ZBTB16: variants seen among roughly 807,000 people sequenced by gnomAD.
The protein encoded by ZBTB16 is zinc finger and BTB domain containing 16.
In ZBTB16, 8 loss-of-function variants were observed where a neutral mutation model predicts 56.8. The observed-to-expected ratio is 0.14, with a 90% CI of 0.08 to 0.25. The LOEUF (loss-of-function observed/expected upper bound fraction) is 0.25. Among genes scored for constraint, ZBTB16 ranks in the 10% least tolerant of loss-of-function variants. The pLI, the probability that ZBTB16 is intolerant of heterozygous loss-of-function variation, is 1.00. For synonymous variants in ZBTB16, 363 were observed against 368.5 expected, an observed-to-expected ratio of 0.98 and a Z score of 0.17; for missense variants, 625 against 903.0, an observed-to-expected ratio of 0.69 and a Z score of 3.95.
At chr11:114,134,999 C>T (rs542575481) in intron 2 of ZBTB16, among the ~76,000 whole-genome samples, 11 of 152,298 alleles carry the variant, frequency 7.2e-5, no homozygotes, top group Admixed American at 2.6e-4. Context: ...TCCAGAGTTG[C>T]GCCAGATCCC....
At chr11:114,233,065 ATG>A (rs1491362323) in intron 4 of ZBTB16, among the ~76,000 whole-genome samples, 9 of 57,634 alleles carry the variant, frequency 1.6e-4, no homozygotes, top group African/African-American at 2.7e-4. Context: ...GCACATACGC[ATG>A]CGCGCGCGCG....
intron 4 of ZBTB16, among the ~76,000 whole-genome samples, chr11:114,213,242 C>T (rs1944031387): frequency 6.6e-6 from 1 of 152,104 alleles, no homozygotes; most frequent in Non-Finnish European, 1.5e-5. Flanking sequence ...ACTCATTGAA[C>T]CAAGGTGGAC....
chr11:114,150,370 CATGCCT>C (rs1414272978), intron 2 of ZBTB16, among the ~76,000 whole-genome samples: 1 of 152,180 alleles, frequency 6.6e-6, no homozygotes, highest in Non-Finnish European at 1.5e-5. Flanking sequence ...CGTGGTGGCT[CATGCCT>C]GTAATTTCAG....
Position 114,156,380 on chromosome 11 carries a change from G to A in ZBTB16, c.1312G>A (p.Gly438Arg), listed in dbSNP as rs746081118. 3.1e-6 allele frequency: 5 copies of A among 1,614,084 alleles called. No homozygotes were observed. Among genetic ancestry groups the A allele is most frequent in the African/African-American group, 1.3e-5 (1 of 74,924 alleles). Residue 438 changes from glycine to arginine, a missense_variant, in exon 3 of 7, where the codon GGG (glycine) becomes AGG (arginine). Transcript: ENST00000335953. ...GMKTYGCELC[G>R]KRFLDSLRLR... ...GAAGACGTACGGGTGCGAGCTCTGC[G>A]GGAAGCGGTTCCTGGATAGTTTGCG...
chr11:114,070,140 C>T (rs1262056267), intron 2 of ZBTB16, among the ~76,000 whole-genome samples: 8 of 137,682 alleles, frequency 5.8e-5, no homozygotes, highest in South Asian at 2.3e-4. Flanking sequence ...CTCGCTCTGT[C>T]GCCCAGGTCG....
At chr11:114,157,905 C>T (rs1477720099) in intron 3 of ZBTB16, among the ~76,000 whole-genome samples, 3 of 152,146 alleles carry the variant, frequency 2.0e-5, no homozygotes, top group Non-Finnish European at 4.4e-5. Context: ...CCCCTGGCTC[C>T]ACTGAATCAT....
chr11:114,106,327 A>G (rs1198855770), intron 2 of ZBTB16, among the ~76,000 whole-genome samples: 1 of 152,150 alleles, frequency 6.6e-6, no homozygotes, highest in Non-Finnish European at 1.5e-5. Flanking sequence ...TCCTACTCCC[A>G]TTGCTGCCTT....
intron 4 of ZBTB16, among the ~76,000 whole-genome samples, chr11:114,232,635 C>T (rs577323735): frequency 1.1e-4 from 16 of 152,340 alleles, no homozygotes; most frequent in Admixed American, 7.8e-4. Context: ...GCTAGGCTTG[C>T]TCTGCAGAGC....
At position 114,210,162 on chromosome 11, in the gene ZBTB16, AGTGTGT is replaced by A. The variant is rs139074973; in HGVS notation, c.1453+23150_1453+23155del. 2.6e-3 allele frequency among the ~76,000 whole-genome samples: 354 copies of A among 134,636 alleles called. 4 individuals are homozygous for A. Among genetic ancestry groups the A allele is most frequent in the East Asian group, 0.01 (44 of 4,352 alleles). 88.3% of individuals were successfully genotyped at this position (134,636 alleles called of 152,430 possible). A position where few individuals can be genotyped will look rare whatever the true frequency, so the allele number is the denominator to read the frequency against. ...AATGTTTTCTCTTACAGCCAAAGCT[AGTGTGT>A]GTGTGTGTGTGTGTGTGTGTGTGTG... On this transcript the variant is annotated intron_variant, in intron 4 of 6. Transcript: ENST00000335953.
chr11:114,177,468 T>A (rs1200201436), intron 3 of ZBTB16, among the ~76,000 whole-genome samples: 1 of 152,160 alleles, frequency 6.6e-6, no homozygotes, highest in African/African-American at 2.4e-5. Flanking sequence ...CAGGCTGGTC[T>A]CCAACTCCAG....
At chr11:114,115,639 T>C (rs929033114) in intron 2 of ZBTB16, among the ~76,000 whole-genome samples, 2 of 152,220 alleles carry the variant, frequency 1.3e-5, no homozygotes, top group Admixed American at 1.3e-4. Flanking sequence ...GAAGCCTGTC[T>C]GAAGGGATCT....
intron 4 of ZBTB16, among the ~76,000 whole-genome samples, chr11:114,198,666 G>A (rs984621095): frequency 7.2e-5 from 11 of 152,120 alleles, no homozygotes; most frequent in Non-Finnish European, 1.0e-4. Context: ...GTCCTCACAC[G>A]CAAGTGCACA....
chr11:114,248,069 G>A (rs1944850932), intron 6 of ZBTB16, among the ~76,000 whole-genome samples: 2 of 152,002 alleles, frequency 1.3e-5, no homozygotes, highest in Admixed American at 6.6e-5. Context: ...AGCTAATTTT[G>A]TATTTTTTTT....
chr11:114,075,417 G>A (rs551179190), intron 2 of ZBTB16, among the ~76,000 whole-genome samples: 9 of 152,168 alleles, frequency 5.9e-5, no homozygotes, highest in African/African-American at 2.4e-5. Flanking sequence ...TTGAAAGGAT[G>A]TGTATACTTC....
At chr11:114,194,305 A>G (rs895955565) in intron 4 of ZBTB16, among the ~76,000 whole-genome samples, 1 of 152,178 alleles carries the variant, frequency 6.6e-6, no homozygotes, top group Admixed American at 6.5e-5. Context: ...AATGGAAACT[A>G]TTTCCAATTC....
At chr11:114,172,210 G>C (rs1044147721) in intron 3 of ZBTB16, among the ~76,000 whole-genome samples, 4 of 152,232 alleles carry the variant, frequency 2.6e-5, no homozygotes, top group African/African-American at 9.6e-5. Context: ...AGCTGGCCAT[G>C]GTTAGCCATT....
chr11:114,086,221 G>A (rs1195092858), intron 2 of ZBTB16, among the ~76,000 whole-genome samples: 1 of 152,130 alleles, frequency 6.6e-6, no homozygotes, highest in East Asian at 1.9e-4. Context: ...GAGGAGCCAG[G>A]CGTGGCCAGG....
intron 3 of ZBTB16, among the ~76,000 whole-genome samples, chr11:114,175,696 T>C (rs1421351505): frequency 6.6e-6 from 1 of 151,924 alleles, no homozygotes; most frequent in Non-Finnish European, 1.5e-5. Flanking sequence ...CTTCAGTCAG[T>C]GGGAAATGAG....
rs115605663 is a variant in ZBTB16, at chr11:114,216,733, A to G, written c.1454-25434A>G. Among the ~76,000 whole-genome samples, 1,173 of 152,312 alleles carry G rather than the reference A, an allele frequency of 7.7e-3. 11 individuals carry two copies. Among genetic ancestry groups the G allele is most frequent in the African/African-American group, 0.024 (977 of 41,570 alleles). ...CACTGAGTTGGCATGACACTAAAAG[A>G]TCCCCTATTCCCTATCATTTTCAGA... is the stretch of plus-strand genomic sequence containing the variant. On this transcript the variant is annotated intron_variant, in intron 4 of 6. Coordinates refer to ENST00000335953, the MANE Select transcript of ZBTB16 (RefSeq NM_006006.6).
Sources: gnomAD v4.1 joint callset for allele counts (sites outside exome capture counted in the v4.1 genomes callset) on GRCh38, gnomAD v4.1.1 for gene constraint, MANE v1.5 for transcripts, NCBI Gene and HGNC (gene_info 2026-07-23, HGNC 2026-07-21) for gene names.